Variants in ZNF486 observed in about 807,000 individuals in gnomAD.
ZNF486 encodes the protein KRAB box only protein 2.
A neutral mutation model predicts 12.8 loss-of-function variants in ZNF486; 12 were observed. That is an observed-to-expected ratio of 0.94 (90% confidence interval 0.60 to 1.52). The LOEUF is 1.52. Ranked by LOEUF, ZNF486 falls within the 40% of genes most tolerant of loss-of-function variation. The pLI is 0.00. For synonymous variants in ZNF486, 231 were observed against 184.9 expected (o/e 1.25, Z -2.02); for missense variants, 738 against 545.0 (o/e 1.35, Z -3.53).
chr19:20,179,063 A>C (rs1387200993), intron 1 of ZNF486, among the ~76,000 whole-genome samples: 2 of 152,234 alleles, frequency 1.3e-5, no homozygotes, highest in Non-Finnish European at 2.9e-5. Context: ...GAAATAAAAA[A>C]CTTTTGTCTA....
chr19:20,181,680 A>T (rs1277685501), intron 1 of ZNF486, among the ~76,000 whole-genome samples: 2 of 152,184 alleles, frequency 1.3e-5, no homozygotes, highest in African/African-American at 4.8e-5. Flanking sequence ...GTTGCTCCAC[A>T]AGTCACAGAA....
intron 1 of ZNF486, among the ~76,000 whole-genome samples, chr19:20,180,107 C>A (rs1555715346): frequency 6.6e-6 from 1 of 152,226 alleles, no homozygotes; most frequent in Non-Finnish European, 1.5e-5. Flanking sequence ...AATTCCCTCA[C>A]AATCACCTAG....
chr19:20,185,954 C>G (rs369784024), intron 2 of ZNF486, 33 bp from the exon 3 acceptor site: 1 of 1,379,992 alleles, frequency 7.2e-7, no homozygotes. Flanking sequence ...GAAATATAAG[C>G]AAGATTAATG....
chr19:20,191,539 G>C (rs2089902862), intron 3 of ZNF486, among the ~76,000 whole-genome samples: 1 of 151,558 alleles, frequency 6.6e-6, no homozygotes, highest in South Asian at 2.1e-4. Flanking sequence ...GGAGGCCCAG[G>C]TGGGTGGATC....
chr19:20,178,334 C>G (rs1555715122), intron 1 of ZNF486, among the ~76,000 whole-genome samples: 1 of 152,136 alleles, frequency 6.6e-6, no homozygotes, highest in African/African-American at 2.4e-5. Context: ...AGCTCCACCT[C>G]CTGGGTTCAT....
intron 1 of ZNF486, among the ~76,000 whole-genome samples, chr19:20,173,710 T>C (rs2089674750): frequency 6.6e-6 from 1 of 151,994 alleles, no homozygotes; most frequent in African/African-American, 2.4e-5. Flanking sequence ...CGGGCGCCTG[T>C]AGTCCCAGCT....
chr19:20,197,965 T>G lies in ZNF486; in HGVS notation c.1255T>G (p.Ser419Ala). The change falls in exon 4 of 4, where the codon TCA becomes GCA. Residue 419 changes from serine to alanine, a missense_variant. Ser to Ala is a moderately conservative substitution (Grantham distance 99). Transcript: ENST00000335117. ...EECGKAYTTS[S>A]NLTEHKTTHT... ...ATGTGGCAAAGCGTATACTACATCC[T>G]CAAATCTAACTGAACATAAGACAAC... The G allele has an allele frequency of 6.2e-7, 1 of 1,613,638 alleles. No individual in the cohort carries two copies. The highest frequency in any genetic ancestry group is 8.5e-7 in the Non-Finnish European group (1 of 1,179,752).
intron 1 of ZNF486, chr19:20,176,507 C>T (rs941177599): frequency 1.5e-4 from 32 of 207,796 alleles, no homozygotes; most frequent in Non-Finnish European, 2.8e-4. Context: ...CAGCTGAGAT[C>T]ACGCCACTGC....
chr19:20,189,869 C>T (rs555992300), intron 3 of ZNF486, among the ~76,000 whole-genome samples: 36 of 152,214 alleles, frequency 2.4e-4, no homozygotes, highest in South Asian at 4.1e-4. Flanking sequence ...CATTTAATGT[C>T]GTATCTAAGA....
At position 20,197,614 on chromosome 19, in the gene ZNF486, G is replaced by A; in HGVS notation, c.904G>A (p.Ala302Thr). 6.2e-7 allele frequency: 1 copy of A among 1,613,796 alleles called. No homozygotes were observed. Among genetic ancestry groups the A allele is most frequent in the Non-Finnish European group, 8.5e-7 (1 of 1,179,834 alleles). Residue 302 changes from alanine to threonine, a missense_variant, in exon 4 of 4, where the codon GCT becomes ACT. Coordinates refer to ENST00000335117, the MANE Select transcript of ZNF486 (RefSeq NM_052852.4). ...CTACAAATGTAAAGAATGTGACAAA[G>A]CTTTTAACCATCCTGCAACTCTTTC... ...QPYKCKECDK[A>T]FNHPATLSSH...
intron 3 of ZNF486, among the ~76,000 whole-genome samples, chr19:20,187,227 A>C (rs1160375945): frequency 6.6e-6 from 1 of 151,976 alleles, no homozygotes; most frequent in Non-Finnish European, 1.5e-5. Flanking sequence ...ATACACTTGT[A>C]TGTTAATTTT....
At chr19:20,187,171 T>A (rs904373939) in intron 3 of ZNF486, among the ~76,000 whole-genome samples, 5 of 152,096 alleles carry the variant, frequency 3.3e-5, no homozygotes, top group Non-Finnish European at 7.4e-5. Context: ...TAAGATTTTT[T>A]TCTTCCTCTA....
chr19:20,189,781 C>A (rs1463725935), intron 3 of ZNF486, among the ~76,000 whole-genome samples: 6 of 150,708 alleles, frequency 4.0e-5, no homozygotes, highest in African/African-American at 1.2e-4. Flanking sequence ...GGGATGTTGC[C>A]ACTTTTGAAT....
chr19:20,170,675 TAAGAA>T (rs1555713766), intron 1 of ZNF486, among the ~76,000 whole-genome samples: 1 of 152,180 alleles, frequency 6.6e-6, no homozygotes, highest in Non-Finnish European at 1.5e-5. Flanking sequence ...GTGTGACAGG[TAAGAA>T]AAGAGAGCAC....
chr19:20,179,343 C>G (rs1184126848), intron 1 of ZNF486, among the ~76,000 whole-genome samples: 1 of 152,184 alleles, frequency 6.6e-6, no homozygotes, highest in African/African-American at 2.4e-5. Context: ...CTTTCTGTCC[C>G]TGTCTTGTCT....
intron 1 of ZNF486, among the ~76,000 whole-genome samples, chr19:20,177,998 G>A (rs550182276): frequency 9.6e-4 from 144 of 150,346 alleles, no homozygotes; most frequent in African/African-American, 2.6e-3. Context: ...AACTTGGCTC[G>A]CTGCAACCTC....
At chr19:20,196,869 C>T in intron 3 of ZNF486, 95 bp from the exon 4 acceptor site, 1 of 1,410,262 alleles carries the variant, frequency 7.1e-7, no homozygotes, top group African/African-American at 1.5e-5. Flanking sequence ...TGTCATCTTG[C>T]TTATGTAGTT....
At chr19:20,184,266 A>G (rs1335470377) in intron 1 of ZNF486, 90 bp from the exon 2 acceptor site, 1 of 1,566,528 alleles carries the variant, frequency 6.4e-7, no homozygotes, top group Non-Finnish European at 8.7e-7. Context: ...ATAAGTAAGA[A>G]TCAGTTCTCT....
intron 1 of ZNF486, 38 bp downstream of exon 1, chr19:20,167,398 G>T: frequency 7.5e-6 from 12 of 1,607,430 alleles, no homozygotes; most frequent in Non-Finnish European, 1.0e-5. Context: ...AGAGGGGAGG[G>T]ACTGGTTGAT....
Sources: allele counts gnomAD v4.1 joint callset (sites outside exome capture counted in the v4.1 genomes callset), GRCh38; gene constraint gnomAD v4.1.1; transcripts MANE v1.5; gene names NCBI Gene and HGNC (gene_info 2026-07-23, HGNC 2026-07-21).